WDFY3: variants seen among roughly 807,000 people sequenced by gnomAD.
The protein encoded by WDFY3 is WD repeat and FYVE domain-containing protein 3.
In WDFY3, 66 loss-of-function variants were observed where a neutral mutation model predicts 409.6. That is an observed-to-expected ratio of 0.16 (90% CI 0.13 to 0.20). The LOEUF is 0.20. Ranked by LOEUF, WDFY3 falls within the 10% of genes least tolerant of loss-of-function variation. WDFY3 has a pLI of 1.00. For missense variants in WDFY3, 3,031 were observed against 4,298.1 expected (o/e 0.71, Z 8.24); for synonymous variants, 1,521 against 1,537.1 (o/e 0.99, Z 0.25).
At chr4:84,945,664 GC>G in intron 1 of WDFY3, among the ~76,000 whole-genome samples, 1 of 152,224 alleles carries the variant, frequency 6.6e-6, no homozygotes, top group Non-Finnish European at 1.5e-5. Flanking sequence ...CATAAAATAA[GC>G]TCTGAACCAC....
intron 46 of WDFY3, 83 bp from the exon 47 acceptor site, chr4:84,721,655 T>TG: frequency 6.6e-7 from 1 of 1,508,768 alleles, no homozygotes; most frequent in Non-Finnish European, 8.9e-7. Flanking sequence ...GTTCCTTCTA[T>TG]AGATTTCCAA....
At chr4:84,749,036 G>A (rs747853399) in intron 36 of WDFY3, among the ~76,000 whole-genome samples, 18 of 151,892 alleles carry the variant, frequency 1.2e-4, no homozygotes, top group Admixed American at 2.6e-4. Context: ...ATACAGGCAC[G>A]CACCACAACA....
chr4:84,702,336 G>A lies in WDFY3; in HGVS notation c.8596+17C>T, dbSNP rs749865521. The A allele has an allele frequency of 1.7e-5, 27 of 1,589,044 alleles. No homozygotes were observed. The Middle Eastern group carries it at 5.0e-4, about 30-fold the overall frequency. On this transcript the variant is annotated intron_variant, in intron 56 of 67. Coordinates refer to ENST00000295888, the MANE Select transcript of WDFY3 (RefSeq NM_014991.6). ...TCCTGGCTAACATTCCTAAGACAGTGCCATAGCTCTACGTACCTAGATCAA... is the reference window on the plus strand; with the variant it reads ...TCCTGGCTAACATTCCTAAGACAGTACCATAGCTCTACGTACCTAGATCAA...
Position 84,831,484 on chromosome 4 carries a change from T to C in WDFY3, c.698A>G (p.Lys233Arg). 1 of 1,614,112 alleles carries C rather than the reference T, an allele frequency of 6.2e-7. No homozygotes were observed. Among genetic ancestry groups the C allele is most frequent in the Non-Finnish European group, 8.5e-7 (1 of 1,179,996 alleles). The change falls in exon 8 of 68, where the codon AAG (lysine) becomes AGG (arginine). Residue 233 changes from lysine to arginine, a missense_variant. Around this residue, in one of 16 missense-constraint regions of WDFY3, gnomAD observed 1,322 missense variants for 1,697.9 expected, o/e 0.78. Transcript: ENST00000295888. ...WCPPYNLPWR[K>R]SAGEVLMTIS... is the part of the protein sequence containing the mutation. ...GGTCATGAGGACTTCTCCAGCACTC[T>C]TTCTCCAAGGCAGGTTATAGGGAGG...
chr4:84,708,475 G>A (rs2148982472), intron 53 of WDFY3, among the ~76,000 whole-genome samples: 1 of 151,982 alleles, frequency 6.6e-6, no homozygotes, highest in East Asian at 1.9e-4. Context: ...TGAATTAAGT[G>A]CCTTTGCCTA....
At chr4:84,940,115 C>G (rs1771923660) in intron 1 of WDFY3, among the ~76,000 whole-genome samples, 6 of 152,034 alleles carry the variant, frequency 3.9e-5, no homozygotes, top group Admixed American at 3.9e-4. Flanking sequence ...AGGGAGAACC[C>G]TCACTCCAAC....
intron 2 of WDFY3, among the ~76,000 whole-genome samples, chr4:84,925,744 G>A (rs1451233092): frequency 2.6e-5 from 4 of 152,132 alleles, no homozygotes; most frequent in South Asian, 2.1e-4. Flanking sequence ...ATTTCTAGGA[G>A]ATGCATATTA....
intron 39 of WDFY3, among the ~76,000 whole-genome samples, chr4:84,739,587 C>T (rs1354048586): frequency 6.6e-6 from 1 of 152,122 alleles, no homozygotes; most frequent in African/African-American, 2.4e-5. Context: ...TTCTCTTGTC[C>T]TCCCCAACCA....
intron 35 of WDFY3, 73 bp from the exon 36 acceptor site, chr4:84,751,789 A>G (rs1740565295): frequency 6.6e-7 from 1 of 1,517,530 alleles, no homozygotes; most frequent in Non-Finnish European, 9.1e-7. Context: ...TTTCCTAAAA[A>G]TAAAACTGGA....
intron 2 of WDFY3, among the ~76,000 whole-genome samples, chr4:84,922,432 T>C (rs1322369823): frequency 6.6e-6 from 1 of 152,178 alleles, no homozygotes; most frequent in Non-Finnish European, 1.5e-5. Context: ...TTTAGTCTTT[T>C]TATAACAAAT....
chr4:84,824,000 A>G (rs536249022), intron 10 of WDFY3, among the ~76,000 whole-genome samples: 3 of 152,302 alleles, frequency 2.0e-5, no homozygotes, highest in African/African-American at 7.2e-5. Flanking sequence ...TTTATTCCTG[A>G]TAGTCAAATA....
chr4:84,776,621 T>C (rs1745589943), intron 27 of WDFY3, among the ~76,000 whole-genome samples: 1 of 152,084 alleles, frequency 6.6e-6, no homozygotes, highest in Admixed American at 6.6e-5. Context: ...TCACAAGTTT[T>C]AAATTATCTA....
Position 84,716,979 on chromosome 4 carries a change from C to A in WDFY3, c.7792G>T (p.Gly2598Cys). ...CATGTTCTCTTGAGTTGACTAGGGC[C>A]TTGCCTGGCTCCTCTAGGAATAATA... is the stretch of plus-strand genomic sequence containing the variant. ...EPIIPRGARQ[G>C]PSQLKRTCSI... Residue 2598 changes from glycine (G) to cysteine (C), a missense_variant, in exon 49 of 68, where the codon GGC (glycine) becomes TGC (cysteine). Around this residue, in one of 16 missense-constraint regions of WDFY3, gnomAD observed 40 missense variants for 54.2 expected, o/e 0.74. Transcript: ENST00000295888. The A allele has an allele frequency of 6.2e-7, 1 of 1,608,184 alleles. No individual in the cohort carries two copies. Among genetic ancestry groups the A allele is most frequent in the Non-Finnish European group, 8.5e-7 (1 of 1,177,016 alleles).
chr4:84,911,824 T>G (rs1449515046), intron 2 of WDFY3, among the ~76,000 whole-genome samples: 1 of 152,168 alleles, frequency 6.6e-6, no homozygotes, highest in Non-Finnish European at 1.5e-5. Flanking sequence ...GTATCAAGAC[T>G]TACACATGCA....
intron 3 of WDFY3, among the ~76,000 whole-genome samples, chr4:84,896,058 C>G (rs1229711338): frequency 2.0e-5 from 3 of 151,892 alleles, no homozygotes; most frequent in Non-Finnish European, 4.4e-5. Context: ...GAGATGGAGA[C>G]CATCCTGGCC....
chr4:84,810,472 A>G, intron 13 of WDFY3, 128 bp from the exon 14 acceptor site: 1 of 815,528 alleles, frequency 1.2e-6, no homozygotes, highest in Non-Finnish European at 1.8e-6. Context: ...TACCCAATAA[A>G]CGGTCCTATA....
At chr4:84,691,068 A>C (rs1027357611) in intron 60 of WDFY3, among the ~76,000 whole-genome samples, 1 of 152,206 alleles carries the variant, frequency 6.6e-6, no homozygotes, top group African/African-American at 2.4e-5. Context: ...TCGTGTTACA[A>C]AGCAACATAA....
intron 1 of WDFY3, chr4:84,965,870 C>CCCTCT (rs1775616452): frequency 6.6e-6 from 1 of 152,504 alleles, no homozygotes; most frequent in African/African-American, 2.4e-5. Context: ...TAACGTCCAG[C>CCCTCT]CCTCTCCTCC....
chr4:84,682,677 G>T (rs571827048), intron 63 of WDFY3: 1 of 538,504 alleles, frequency 1.9e-6, no homozygotes, highest in Non-Finnish European at 3.4e-6. Flanking sequence ...AAAGATTATA[G>T]TCATATTAGT....
Sources: allele counts gnomAD v4.1 joint callset (sites outside exome capture counted in the v4.1 genomes callset), GRCh38; gene constraint gnomAD v4.1.1; regional missense constraint gnomAD v4.1.1; transcripts MANE v1.5; gene names NCBI Gene and HGNC (gene_info 2026-07-23, HGNC 2026-07-21).